Variants in KSR1 observed in about 807,000 individuals in gnomAD.
KSR1 encodes the protein kinase suppressor of ras.
In KSR1, 35 loss-of-function variants were observed where a neutral mutation model predicts 92.9. The ratio of observed to expected loss-of-function variants is 0.38; its 90% CI spans 0.29 to 0.50. The LOEUF is 0.50. Ranked by LOEUF, KSR1 falls within the 20% of genes least tolerant of loss-of-function variation. The pLI is 0.94. For missense variants in KSR1, 972 were observed against 1,158.5 expected (o/e 0.84, Z 2.34); for synonymous variants, 467 against 472.6 (o/e 0.99, Z 0.15).
At chr17:27,457,801 C>G (rs1283680663) in intron 1 of KSR1, among the ~76,000 whole-genome samples, 2 of 152,068 alleles carry the variant, frequency 1.3e-5, no homozygotes, top group African/African-American at 4.8e-5. Context: ...ATAGCTGCCC[C>G]GTCTTGAAGA....
chr17:27,457,778 G>C (rs1352589191), intron 1 of KSR1, among the ~76,000 whole-genome samples: 1 of 152,124 alleles, frequency 6.6e-6, no homozygotes, highest in Non-Finnish European at 1.5e-5. Flanking sequence ...GCGGTGAAAC[G>C]TCAGACCAGT....
At chr17:27,588,575 G>T (rs750805164) in intron 6 of KSR1, 40 bp downstream of exon 6, 1 of 1,544,538 alleles carries the variant, frequency 6.5e-7, no homozygotes, top group African/African-American at 1.4e-5. Context: ...GGGCACAGCC[G>T]GGCTGGTACC....
Position 27,462,343 on chromosome 17 carries a change from A to G in KSR1, c.231+5469A>G, listed in dbSNP as rs1484770289. ...TTGCTGTGGCGGGGAGATTCTGTGC[A>G]GGGCCATGGTTGCTGAGACCAAGGA... On this transcript the variant is annotated intron_variant, in intron 1 of 20. Transcript: ENST00000644974. 3.3e-5 allele frequency among the ~76,000 whole-genome samples: 5 copies of G among 152,224 alleles called. No individual in the cohort carries two copies. In the East Asian group the frequency reaches 9.7e-4, roughly 29 times the overall value.
At chr17:27,551,746 A>G (rs1488688418) in intron 2 of KSR1, among the ~76,000 whole-genome samples, 3 of 152,152 alleles carry the variant, frequency 2.0e-5, no homozygotes, top group Non-Finnish European at 4.4e-5. Context: ...CTCTCCCCCA[A>G]GGCACACTGC....
In KSR1 at chr17:27,457,189, G is replaced by A. The variant is rs553969852; in HGVS notation, c.231+315G>A. On this transcript the variant is annotated intron_variant, in intron 1 of 20. Coordinates refer to ENST00000644974, the MANE Select transcript of KSR1 (RefSeq NM_001394583.1). ...CCATTTCCAGTTTGCGGGGCCGCAG[G>A]ACTCGTTGTCCCACCGAGTCACAAG... Among the ~76,000 whole-genome samples the A allele has an allele frequency of 3.9e-5, 6 of 152,196 alleles. No individual in the cohort carries two copies. In the South Asian group the frequency reaches 8.3e-4, roughly 21 times the overall value.
intron 1 of KSR1, among the ~76,000 whole-genome samples, chr17:27,522,364 G>A (rs776132854): frequency 2.0e-5 from 3 of 152,168 alleles, no homozygotes; most frequent in Admixed American, 6.5e-5. Flanking sequence ...CCCGCTCCCC[G>A]TGGCCCTCCC....
At chr17:27,564,177 G>A (rs1299898195) in intron 2 of KSR1, among the ~76,000 whole-genome samples, 1 of 151,920 alleles carries the variant, frequency 6.6e-6, no homozygotes, top group South Asian at 2.1e-4. Flanking sequence ...TTTTAGTAAA[G>A]ACAGGGTTTC....
intron 1 of KSR1, among the ~76,000 whole-genome samples, chr17:27,508,570 C>G (rs1203773672): frequency 6.6e-6 from 1 of 152,074 alleles, no homozygotes; most frequent in African/African-American, 2.4e-5. Context: ...CTCTTCTCTC[C>G]AACCCTCAGT....
chr17:27,573,138 G>A (rs1330251639), intron 2 of KSR1, among the ~76,000 whole-genome samples: 2 of 152,190 alleles, frequency 1.3e-5, no homozygotes, highest in East Asian at 1.9e-4. Context: ...TGGGGTCTCC[G>A]CGCTTAGGCC....
intron 9 of KSR1, among the ~76,000 whole-genome samples, chr17:27,595,604 C>T (rs1407335495): frequency 6.6e-6 from 1 of 151,254 alleles, no homozygotes; most frequent in African/African-American, 2.4e-5. Flanking sequence ...GGAGCTTAGG[C>T]CTCTCTCCCT....
intron 2 of KSR1, among the ~76,000 whole-genome samples, chr17:27,551,483 G>C (rs141500908): frequency 9.1e-4 from 138 of 152,060 alleles, no homozygotes; most frequent in Middle Eastern, 3.4e-3. Context: ...ATTATATATA[G>C]ATACTTTGGA....
intron 4 of KSR1, among the ~76,000 whole-genome samples, chr17:27,583,533 C>T (rs1219048428): frequency 6.6e-6 from 1 of 152,252 alleles, no homozygotes; most frequent in Non-Finnish European, 1.5e-5. Context: ...ATGTCATGCC[C>T]TGGCAGCTGC....
intron 1 of KSR1, among the ~76,000 whole-genome samples, chr17:27,532,302 G>T (rs779067274): frequency 1.3e-5 from 2 of 152,230 alleles, no homozygotes; most frequent in East Asian, 3.8e-4. Context: ...CTCAGTGCGG[G>T]TGAGCTATCC....
chr17:27,504,291 C>T (rs2150987029), intron 1 of KSR1, among the ~76,000 whole-genome samples: 1 of 152,348 alleles, frequency 6.6e-6, no homozygotes, highest in South Asian at 2.1e-4. Context: ...CCATTCTTAC[C>T]CACCTCAGTC....
chr17:27,605,611 G>A lies in KSR1; in HGVS notation c.1792G>A (p.Gly598Arg), dbSNP rs745395469. 13 of 1,605,328 alleles carry A rather than the reference G, an allele frequency of 8.1e-6. No homozygotes were observed. The highest frequency in any genetic ancestry group is 2.2e-5 in the East Asian group (1 of 44,522). Residue 598 changes from glycine (G) to arginine (R), a missense_variant, in exon 14 of 21, where the codon GGG becomes AGG. Around this residue, in one of 5 missense-constraint regions of KSR1, gnomAD observed 260 missense variants for 375.2 expected, o/e 0.69. Coordinates refer to ENST00000644974, the MANE Select transcript of KSR1 (RefSeq NM_001394583.1). ...GCAGGTAGAGCTGGGCGAGCCCATCGGGCAGGGCCGCTGGGGCCGGGTGCA... is the reference window on the plus strand; with the variant it reads ...GCAGGTAGAGCTGGGCGAGCCCATCAGGCAGGGCCGCTGGGGCCGGGTGCA... ...FEQVELGEPI[G>R]QGRWGRVHRG...
In KSR1 at chr17:27,459,175, G is replaced by A. The variant is rs1251408962; in HGVS notation, c.231+2301G>A. 3.3e-5 allele frequency among the ~76,000 whole-genome samples: 5 copies of A among 152,170 alleles called. No individual in the cohort carries two copies. In the East Asian group the frequency reaches 7.7e-4, roughly 23 times the overall value. On this transcript the variant is annotated intron_variant, in intron 1 of 20. Transcript: ENST00000644974. The surrounding 1 kb of genome is among the most constrained non-coding windows in gnomAD (Gnocchi z 4.6). ...ACCTTAGGCAAGTCCCATGACTTCTGAATCTCAAGCTCTCCTGTCTGTAAA... is the reference window on the plus strand; with the variant it reads ...ACCTTAGGCAAGTCCCATGACTTCTAAATCTCAAGCTCTCCTGTCTGTAAA...
intron 1 of KSR1, among the ~76,000 whole-genome samples, chr17:27,462,604 T>A (rs780705789): frequency 3.3e-5 from 5 of 152,250 alleles, no homozygotes; most frequent in African/African-American, 7.2e-5. Flanking sequence ...AGTTTACTCA[T>A]AATTTTTTAA....
chr17:27,503,339 C>T (rs1444697780), intron 1 of KSR1, among the ~76,000 whole-genome samples: 1 of 152,146 alleles, frequency 6.6e-6, no homozygotes, highest in Non-Finnish European at 1.5e-5. Flanking sequence ...CTGTTCAACA[C>T]CTTGTGATGC....
In KSR1 at chr17:27,603,862, G is replaced by A. The variant is rs374446504; in HGVS notation, c.1539G>A (p.Pro513=). ...TTTCAGCCTTTGCACACGCAGCCCC[G>A]CTCCCTGAAGCTGCCGACGGTACCC... The part of the protein sequence containing the change: ...PDISAFAHAA[P]LPEAADGTRL... Residue 513 remains proline, a synonymous_variant, in exon 12 of 21, where the codon CCG becomes CCA. Transcript: ENST00000644974. 1.4e-4 allele frequency: 231 copies of A among 1,613,786 alleles called. No individual in the cohort carries two copies. The highest frequency in any genetic ancestry group is 1.8e-4 in the Non-Finnish European group (213 of 1,179,858).
Sources: allele counts gnomAD v4.1 joint callset (sites outside exome capture counted in the v4.1 genomes callset), GRCh38; gene constraint gnomAD v4.1.1; regional missense constraint gnomAD v4.1.1; non-coding constraint Gnocchi (gnomAD v3.1); transcripts MANE v1.5; gene names NCBI Gene and HGNC (gene_info 2026-07-23, HGNC 2026-07-21).